DNASE2B: variants seen among roughly 807,000 people sequenced by gnomAD.
DNASE2B encodes deoxyribonuclease-2-beta.
A neutral mutation model predicts 46.0 loss-of-function variants in DNASE2B; 43 were observed. The observed-to-expected ratio is 0.94, with a 90% confidence interval of 0.73 to 1.21. The LOEUF (loss-of-function observed/expected upper bound fraction) is 1.21, where lower values mean the gene tolerates loss of function less well. Among genes scored for constraint, DNASE2B ranks in the 50% most tolerant of loss-of-function variants. The pLI is 0.00. For missense variants in DNASE2B, 395 were observed against 414.4 expected (o/e 0.95, Z 0.41); for synonymous variants, 156 against 152.5 (o/e 1.02, Z -0.17).
intron 2 of DNASE2B, among the ~76,000 whole-genome samples, chr1:84,405,190 T>C (rs1160686530): frequency 6.6e-6 from 1 of 152,176 alleles, no homozygotes; most frequent in Non-Finnish European, 1.5e-5. Flanking sequence ...TCTCCAGCTT[T>C]AGATGATCTA....
At chr1:84,410,337 A>G (rs1680566521) in intron 3 of DNASE2B, among the ~76,000 whole-genome samples, 1 of 152,188 alleles carries the variant, frequency 6.6e-6, no homozygotes. Context: ...GCTTGTAGAA[A>G]TAGTGACTCT....
chr1:84,407,349 A>G (rs1680508345), intron 2 of DNASE2B, among the ~76,000 whole-genome samples: 1 of 152,208 alleles, frequency 6.6e-6, no homozygotes, highest in Non-Finnish European at 1.5e-5. Flanking sequence ...AAATGATGAT[A>G]TGAATGCCAT....
chr1:84,414,957 G>A lies in DNASE2B; in HGVS notation c.*89G>A, dbSNP rs1680669708. 1.1e-6 allele frequency: 1 copy of A among 928,146 alleles called. No homozygotes were observed. The highest frequency in any genetic ancestry group is 2.6e-5 in the East Asian group (1 of 38,432). 57.5% of individuals were successfully genotyped at this position (928,146 alleles called of 1,614,324 possible). A position where few individuals can be genotyped will look rare whatever the true frequency, so the allele number is the denominator to read the frequency against. ...CCTTCTTTATATTTTAAAGGCCTGT[G>A]AATATACTTATAACCTGCATATCAC... On this transcript the variant is annotated 3_prime_UTR_variant, in exon 6 of 6. Transcript: ENST00000370665.
chr1:84,413,892 C>T (rs1238555029), intron 5 of DNASE2B, among the ~76,000 whole-genome samples: 1 of 152,222 alleles, frequency 6.6e-6, no homozygotes, highest in African/African-American at 2.4e-5. Flanking sequence ...TCTGACCCTT[C>T]TATCAAACCA....
chr1:84,402,062 A>C lies in DNASE2B; in HGVS notation c.287A>C (p.Glu96Ala), dbSNP rs191059602. The C allele has an allele frequency of 2.5e-6, 4 of 1,605,512 alleles. No individual in the cohort carries two copies. The East Asian group carries it at 9.0e-5, about 36-fold the overall frequency. ...VLGRTLQQLY[E>A]AYASKSNNTA... ...GGAAGGACATTACAACAGCTATATGAAGCATATGCCTCTAAGGTATGTTAT... is the reference window on the plus strand; with the variant it reads ...GGAAGGACATTACAACAGCTATATGCAGCATATGCCTCTAAGGTATGTTAT... Residue 96 changes from glutamate to alanine, a missense_variant, in exon 2 of 6, where the codon GAA becomes GCA. Glu to Ala is a moderately radical substitution (Grantham distance 107). Transcript: ENST00000370665.
chr1:84,398,731 T>A, intron 1 of DNASE2B, 42 bp downstream of exon 1: 7 of 1,610,308 alleles, frequency 4.3e-6, no homozygotes, highest in Non-Finnish European at 5.9e-6. Flanking sequence ...GCAAACAGCC[T>A]CGGTACAGAG....
chr1:84,403,370 A>T (rs528310), intron 2 of DNASE2B, among the ~76,000 whole-genome samples: 80,661 of 152,044 alleles, frequency 0.53, 21,423 homozygotes, highest in East Asian at 0.61. Flanking sequence ...TATATATCTT[A>T]TATACTATAT....
chr1:84,403,117 T>C (rs189146781), intron 2 of DNASE2B, among the ~76,000 whole-genome samples: 15 of 152,358 alleles, frequency 9.8e-5, no homozygotes, highest in African/African-American at 3.6e-4. Context: ...CAAGCACTTT[T>C]CTAGATGCTT....
rs1680346064 is a variant in DNASE2B at position 84,398,611 on chromosome 1, T to C, written c.47T>C (p.Leu16Ser). 6.2e-7 allele frequency: 1 copy of C among 1,613,942 alleles called. No homozygotes were observed. The highest frequency in any genetic ancestry group is 8.5e-7 in the Non-Finnish European group (1 of 1,179,820). ...AGACTGCTAAGAACATCCTTTGCTTTGCTCTTCCTTGGCCTCTTTGGGGTG... is the reference window on the plus strand; with the variant it reads ...AGACTGCTAAGAACATCCTTTGCTTCGCTCTTCCTTGGCCTCTTTGGGGTG... ...MARLLRTSFA[L>S]LFLGLFGVLG... Residue 16 changes from leucine (L) to serine (S), a missense_variant, in exon 1 of 6, where the codon TTG becomes TCG. Physicochemically the swap from Leu to Ser is moderately radical, Grantham distance 145 (BLOSUM62 -2). Coordinates refer to ENST00000370665, the MANE Select transcript of DNASE2B (RefSeq NM_021233.3).
Position 84,412,562 on chromosome 1 carries a change from A to G in DNASE2B, c.745+16A>G. Reference sequence around the variant, plus strand: ...TTTCTTGACGGTATGAAAGACCATCATCAAACAACATGCTGTATAATTCTG... The same window carrying G: ...TTTCTTGACGGTATGAAAGACCATCGTCAAACAACATGCTGTATAATTCTG... On this transcript the variant is annotated intron_variant, in intron 5 of 5. Coordinates refer to ENST00000370665, the MANE Select transcript of DNASE2B (RefSeq NM_021233.3). 1 of 1,589,752 alleles carries G rather than the reference A, an allele frequency of 6.3e-7. No individual in the cohort carries two copies. The highest frequency in any genetic ancestry group is 8.6e-7 in the Non-Finnish European group (1 of 1,163,646).
chr1:84,398,526 C>A lies in DNASE2B; in HGVS notation c.-39C>A. On this transcript the variant is annotated 5_prime_UTR_variant, in exon 1 of 6. Transcript: ENST00000370665. ...AGAGCGCCTTGAAACTCAGACTCCA[C>A]AATCTATGGGGAAAGTGTCCTGCTG... The A allele has an allele frequency of 6.2e-7, 1 of 1,610,208 alleles. No individual in the cohort carries two copies. Among genetic ancestry groups the A allele is most frequent in the East Asian group, 2.2e-5 (1 of 44,786 alleles).
At chr1:84,406,387 A>G (rs1336301495) in intron 2 of DNASE2B, among the ~76,000 whole-genome samples, 1 of 152,226 alleles carries the variant, frequency 6.6e-6, no homozygotes, top group Non-Finnish European at 1.5e-5. Flanking sequence ...TTGCCGGAAT[A>G]CAATAATGAT....
At chr1:84,411,430 GTGTGTGTGTGTGTGT>G (rs1558503347) in intron 4 of DNASE2B, among the ~76,000 whole-genome samples, 11 of 1,610 alleles carry the variant, frequency 6.8e-3, no homozygotes, top group African/African-American at 8.5e-3. Context: ...CCTAGGGTGT[GTGTGTGTGTGTGTGT>G]GTGTGTGTGT....
intron 1 of DNASE2B, among the ~76,000 whole-genome samples, chr1:84,401,472 CTG>C (rs1420992478): frequency 6.6e-6 from 1 of 152,184 alleles, no homozygotes; most frequent in Non-Finnish European, 1.5e-5. Context: ...TTCGGATAAA[CTG>C]AGCTGAGGAA....
At chr1:84,410,568 T>C (rs948572863) in intron 3 of DNASE2B, among the ~76,000 whole-genome samples, 2 of 152,204 alleles carry the variant, frequency 1.3e-5, no homozygotes, top group South Asian at 4.1e-4. Flanking sequence ...AAATTTTCCT[T>C]GTGATTTCAA....
At chr1:84,405,413 C>T (rs1268002954) in intron 2 of DNASE2B, among the ~76,000 whole-genome samples, 1 of 152,198 alleles carries the variant, frequency 6.6e-6, no homozygotes, top group African/African-American at 2.4e-5. Flanking sequence ...TTTCTTTTTT[C>T]ACAATGGCTC....
rs573280406 is a variant in DNASE2B at position 84,408,904 on chromosome 1, T to G, written c.385+386T>G. On this transcript the variant is annotated intron_variant, in intron 3 of 5. Transcript: ENST00000370665. The stretch of plus-strand genomic sequence containing the variant: ...ATGTACAAACACATTTTAGTCAGAT[T>G]TATTGAAGTATGATTTATAGAGAGT... Among the ~76,000 whole-genome samples the G allele has an allele frequency of 2.0e-5, 3 of 151,946 alleles. No individual in the cohort carries two copies. In the East Asian group the frequency reaches 5.8e-4, roughly 29 times the overall value.
intron 2 of DNASE2B, among the ~76,000 whole-genome samples, chr1:84,403,354 T>G (rs973153895): frequency 1.3e-5 from 2 of 152,242 alleles, no homozygotes; most frequent in African/African-American, 4.8e-5. Context: ...CATGTAATTT[T>G]TATGTTATAT....
chr1:84,401,983 A>C lies in DNASE2B; in HGVS notation c.208A>C (p.Thr70Pro), dbSNP rs1434499537. ...GLEYLYLDST[T>P]RSWRKSEQLM... ...AGAGTACCTGTACCTAGACTCTACA[A>C]CTAGAAGCTGGAGGAAGAGTGAGCA... The change falls in exon 2 of 6, where the codon ACT (threonine) becomes CCT (proline). Residue 70 changes from threonine to proline, a missense_variant. Physicochemically the swap from Thr to Pro is conservative, Grantham distance 38. Coordinates refer to ENST00000370665, the MANE Select transcript of DNASE2B (RefSeq NM_021233.3). The C allele has an allele frequency of 1.4e-5, 23 of 1,608,264 alleles. No individual in the cohort carries two copies. The highest frequency in any genetic ancestry group is 2.0e-5 in the Non-Finnish European group (23 of 1,178,040).
Sources: allele counts gnomAD v4.1 joint callset (sites outside exome capture counted in the v4.1 genomes callset), GRCh38; gene constraint gnomAD v4.1.1; transcripts MANE v1.5; gene names NCBI Gene and HGNC (gene_info 2026-07-23, HGNC 2026-07-21).